The following ANKRD36C variants were observed in gnomAD, a reference collection of about 807,000 sequenced individuals.
ANKRD36C encodes ankyrin repeat domain-containing protein 36C.
In ANKRD36C, 61 loss-of-function variants were observed where a neutral mutation model predicts 276.4. That is an observed-to-expected ratio of 0.22 (90% CI 0.18 to 0.27). The LOEUF (loss-of-function observed/expected upper bound fraction) is 0.27. Among genes scored for constraint, ANKRD36C ranks in the 10% least tolerant of loss-of-function variants. The pLI is 1.00. For missense variants in ANKRD36C, 1,447 were observed against 2,032.3 expected, an observed-to-expected ratio of 0.71 and a Z score of 5.54; for synonymous variants, 483 against 680.1, an observed-to-expected ratio of 0.71 and a Z score of 4.51.
intron 7 of ANKRD36C, 46 bp downstream of exon 7, chr2:95,962,473 A>G (rs541081769): frequency 4.4e-6 from 7 of 1,593,630 alleles, no homozygotes; most frequent in African/African-American, 1.3e-5. Context: ...TATTTTTCAC[A>G]GACTATATAG....
At chr2:95,959,397 T>C (rs1412162704) in intron 10 of ANKRD36C, among the ~76,000 whole-genome samples, 1 of 152,196 alleles carries the variant, frequency 6.6e-6, no homozygotes, top group Admixed American at 6.6e-5. Context: ...GTGCCTACAT[T>C]TCTTCTATCC....
chr2:95,856,080 T>G, exon 63 of ANKRD36C: 1 of 1,600,400 alleles, frequency 6.2e-7, no homozygotes, highest in Non-Finnish European at 8.5e-7. Flanking sequence ...TTCCAGGTTT[T>G]GGTTTTTTAT....
intron 54 of ANKRD36C, among the ~76,000 whole-genome samples, chr2:95,883,376 C>G (rs1273062640): frequency 2.0e-5 from 3 of 152,088 alleles, no homozygotes; most frequent in African/African-American, 2.4e-5. Flanking sequence ...TATCATGCTA[C>G]TCTCTAAAGC....
intron 1 of ANKRD36C, among the ~76,000 whole-genome samples, chr2:95,990,448 T>C (rs1416935958): frequency 4.6e-5 from 7 of 152,198 alleles, no homozygotes; most frequent in African/African-American, 1.7e-4. Context: ...ATTCACTGAT[T>C]TGTTGTTTCA....
intron 59 of ANKRD36C, chr2:95,875,979 A>T: frequency 2.3e-6 from 1 of 443,972 alleles, no homozygotes. Context: ...AACTGAAGTC[A>T]GAGATCAAAA....
chr2:95,954,034 G>A lies in ANKRD36C; in HGVS notation c.1137-29C>T, dbSNP rs549120533. On this transcript the variant is annotated intron_variant, in intron 13 of 66. Transcript: ENST00000456556. ...CAGAGCAAAAAGATACAGCAAAAAT[G>A]AGCACGTTCATTTCTTAAAAGAAAA... 8.5e-6 allele frequency: 13 copies of A among 1,532,840 alleles called. No individual in the cohort carries two copies. In the African/African-American group the frequency reaches 1.4e-4, roughly 16 times the overall value. 95.0% of individuals were successfully genotyped at this position (1,532,840 alleles called of 1,614,324 possible). A position where few individuals can be genotyped will look rare whatever the true frequency, so the allele number is the denominator to read the frequency against.
At chr2:95,895,939 G>A (rs1676535649) in intron 44 of ANKRD36C, among the ~76,000 whole-genome samples, 3 of 150,468 alleles carry the variant, frequency 2.0e-5, no homozygotes, top group Non-Finnish European at 4.5e-5. Flanking sequence ...TGTCAAAACA[G>A]GTGCTACATG....
chr2:95,934,469 C>T (rs1192243480), intron 24 of ANKRD36C, among the ~76,000 whole-genome samples: 5 of 151,950 alleles, frequency 3.3e-5, no homozygotes, highest in African/African-American at 1.2e-4. Context: ...ACGGATGAAG[C>T]CTGAAACCAT....
At chr2:95,937,425 A>C (rs796175044) in intron 22 of ANKRD36C, among the ~76,000 whole-genome samples, 1,867 of 119,742 alleles carry the variant, frequency 0.016, no homozygotes, top group African/African-American at 0.031. Flanking sequence ...GACAAAAACA[A>C]ATATATAAAA....
chr2:95,916,936 T>C (rs937201590), intron 36 of ANKRD36C, among the ~76,000 whole-genome samples: 13 of 151,662 alleles, frequency 8.6e-5, no homozygotes, highest in Non-Finnish European at 1.9e-4. Flanking sequence ...GAGCAGTTTT[T>C]CATTCAGAAA....
At chr2:95,916,784 G>C (rs1260428733) in intron 36 of ANKRD36C, among the ~76,000 whole-genome samples, 2 of 151,572 alleles carry the variant, frequency 1.3e-5, no homozygotes, top group African/African-American at 2.4e-5. Flanking sequence ...TAAGTTTCTT[G>C]GATCCACTAG....
chr2:95,872,607 CT>C (rs1396419807), intron 59 of ANKRD36C, among the ~76,000 whole-genome samples: 1 of 151,924 alleles, frequency 6.6e-6, no homozygotes, highest in African/African-American at 2.4e-5. Flanking sequence ...ATTAAAAGAA[CT>C]AGAAAAGCAA....
At chr2:95,934,457 A>G (rs1677657892) in intron 24 of ANKRD36C, among the ~76,000 whole-genome samples, 1 of 152,090 alleles carries the variant, frequency 6.6e-6, no homozygotes, top group Non-Finnish European at 1.5e-5. Flanking sequence ...CTTTGCAAAG[A>G]CACGGATGAA....
chr2:95,858,961 G>A (rs916896513), intron 61 of ANKRD36C, among the ~76,000 whole-genome samples: 29 of 151,668 alleles, frequency 1.9e-4, no homozygotes, highest in African/African-American at 6.8e-4. Context: ...CAGAGAGAGA[G>A]AGATGTTGAA....
intron 1 of ANKRD36C, 28 bp downstream of exon 1, chr2:95,991,484 C>A (rs1162982562): frequency 2.6e-6 from 4 of 1,565,646 alleles, no homozygotes; most frequent in Non-Finnish European, 3.5e-6. Context: ...GGCCTCCTCC[C>A]GCAGCCCCGG....
At chr2:95,875,364 G>A (rs1045383849) in intron 59 of ANKRD36C, among the ~76,000 whole-genome samples, 1 of 151,820 alleles carries the variant, frequency 6.6e-6, no homozygotes, top group African/African-American at 2.4e-5. Flanking sequence ...AAAATGATGA[G>A]TTCATGTCCT....
chr2:95,948,776 T>C (rs1395485385), intron 16 of ANKRD36C, among the ~76,000 whole-genome samples, 180 bp from the exon 17 acceptor site: 2 of 152,178 alleles, frequency 1.3e-5, no homozygotes, highest in Admixed American at 1.3e-4. Context: ...GCTTCCATTT[T>C]AGAAAACATT....
intron 24 of ANKRD36C, among the ~76,000 whole-genome samples, chr2:95,933,882 C>A (rs1573779680): frequency 1.3e-5 from 2 of 152,422 alleles, no homozygotes; most frequent in South Asian, 4.1e-4. Flanking sequence ...AGGCTAATAT[C>A]CAGAATCTAA....
intron 6 of ANKRD36C, among the ~76,000 whole-genome samples, chr2:95,964,034 G>A (rs1678535774): frequency 9.1e-6 from 1 of 109,428 alleles, no homozygotes; most frequent in South Asian, 2.9e-4. Flanking sequence ...TGTCATGATT[G>A]CCAAGAATAT....
Sources: gnomAD v4.1 joint callset for allele counts (sites outside exome capture counted in the v4.1 genomes callset) on GRCh38, gnomAD v4.1.1 for gene constraint, MANE v1.5 for transcripts, NCBI Gene and HGNC (gene_info 2026-07-23, HGNC 2026-07-21) for gene names.